Variants in LIPI observed in about 807,000 individuals in gnomAD.
LIPI encodes lipase I.
LIPI carries 59 observed loss-of-function variants against 50.6 expected under a neutral mutation model. That is an observed-to-expected ratio of 1.16 (90% CI 0.94 to 1.45). The LOEUF is 1.45. Ranked by LOEUF, LIPI falls within the 40% of genes most tolerant of loss-of-function variation. The pLI, the probability that LIPI is intolerant of heterozygous loss-of-function variation, is 0.00. For synonymous variants in LIPI, 203 were observed against 178.2 expected, an observed-to-expected ratio of 1.14 and a Z score of -1.11; for missense variants, 586 against 536.3, an observed-to-expected ratio of 1.09 and a Z score of -0.92.
intron 1 of LIPI, among the ~76,000 whole-genome samples, chr21:14,201,637 C>T (rs980141231): frequency 6.6e-6 from 1 of 151,996 alleles, no homozygotes; most frequent in Non-Finnish European, 1.5e-5. Context: ...ATTCAACAAC[C>T]CTTCATGCTA....
At chr21:14,161,453 ATAT>A (rs1444320359) in intron 7 of LIPI, among the ~76,000 whole-genome samples, 2 of 139,082 alleles carry the variant, frequency 1.4e-5, no homozygotes, top group Non-Finnish European at 3.1e-5. Context: ...TTATATATAG[ATAT>A]TATATAGCTA....
intron 1 of LIPI, among the ~76,000 whole-genome samples, chr21:14,208,901 A>C (rs2020294102): frequency 6.6e-6 from 1 of 152,088 alleles, no homozygotes; most frequent in Admixed American, 6.6e-5. Context: ...AAATTACAAA[A>C]TTAGCCAGGC....
chr21:14,198,471 C>T (rs1348472127), intron 1 of LIPI, among the ~76,000 whole-genome samples: 1 of 152,054 alleles, frequency 6.6e-6, no homozygotes, highest in Non-Finnish European at 1.5e-5. Flanking sequence ...GGTTGCAATC[C>T]TAGTTTCTGA....
intron 7 of LIPI, among the ~76,000 whole-genome samples, chr21:14,159,029 G>A (rs1289302063): frequency 2.0e-5 from 3 of 151,414 alleles, no homozygotes; most frequent in Admixed American, 6.6e-5. Context: ...GACCCAAATG[G>A]TTTCACTGGA....
intron 8 of LIPI, among the ~76,000 whole-genome samples, chr21:14,146,548 A>G (rs1465282154): frequency 6.6e-6 from 1 of 152,124 alleles, no homozygotes; most frequent in Non-Finnish European, 1.5e-5. Context: ...CTGCAACAGC[A>G]TCTTGCTTTG....
intron 7 of LIPI, among the ~76,000 whole-genome samples, chr21:14,159,538 C>T (rs953863321): frequency 6.6e-6 from 1 of 151,208 alleles, no homozygotes; most frequent in Non-Finnish European, 1.5e-5. Context: ...CTATAAGTCA[C>T]ATCACACTTT....
chr21:14,161,711 T>C (rs1201639137), intron 7 of LIPI, among the ~76,000 whole-genome samples: 1 of 92,968 alleles, frequency 1.1e-5, no homozygotes, highest in Non-Finnish European at 1.9e-5. Context: ...TACATTATTA[T>C]ATATTAATAT....
At position 14,210,954 on chromosome 21, in the gene LIPI, G is replaced by A. The variant is rs1388863803; in HGVS notation, c.-109C>T. The A allele has an allele frequency of 1.9e-6, 2 of 1,055,362 alleles. No individual in the cohort carries two copies. Among genetic ancestry groups the A allele is most frequent in the Non-Finnish European group, 1.1e-6 (1 of 870,074 alleles). 65.4% of individuals were successfully genotyped at this position (1,055,362 alleles called of 1,614,324 possible). On this transcript the variant is annotated 5_prime_UTR_variant, in exon 1 of 10. Coordinates refer to ENST00000681601, the MANE Select transcript of LIPI (RefSeq NM_001302998.2). The stretch of plus-strand genomic sequence containing the variant: ...TCATCACAGGCTGGCAGGTTCTTCT[G>A]TAAAAGTTCACTGATTTTTGCTCCT...
chr21:14,118,485 C>T (rs2016739198), intron 9 of LIPI, among the ~76,000 whole-genome samples: 1 of 152,154 alleles, frequency 6.6e-6, no homozygotes, highest in Non-Finnish European at 1.5e-5. Context: ...CCCAGTGCCA[C>T]TATTAGGAAG....
chr21:14,120,529 G>C lies in LIPI; in HGVS notation c.1296-11449C>G, dbSNP rs111762931. On this transcript the variant is annotated intron_variant, in intron 9 of 9. Transcript: ENST00000681601. ...CCAAAGGAAGTAGCAGTCTTCCACT[G>C]TAAGGGACATCAAACAGGAGGAAGT... 7.0e-3 allele frequency among the ~76,000 whole-genome samples: 1,067 copies of C among 152,320 alleles called. 18 individuals are homozygous for C. Among genetic ancestry groups the C allele is most frequent in the African/African-American group, 0.022 (898 of 41,566 alleles).
At chr21:14,163,938 C>T (rs1435183883) in intron 6 of LIPI, among the ~76,000 whole-genome samples, 1 of 151,184 alleles carries the variant, frequency 6.6e-6, no homozygotes, top group Admixed American at 6.6e-5. Flanking sequence ...ACGTATAATA[C>T]ATACAGATAT....
chr21:14,189,259 A>G lies in LIPI; in HGVS notation c.207T>C (p.Asn69=), dbSNP rs1203463472. The G allele has an allele frequency of 1.9e-6, 3 of 1,614,046 alleles. No homozygotes were observed. The highest frequency in any genetic ancestry group is 2.2e-5 in the East Asian group (1 of 44,868). ...LFEQNNSLNV[N]FNTQKKTVWL... is the part of the protein sequence containing the mutation. ...AGACTGTTTTCTTTTGTGTGTTGAA[A>G]TTAACATTAAGTGAGTTATTTTGTT... is the stretch of plus-strand genomic sequence containing the variant. Residue 69 remains asparagine, a synonymous_variant, in exon 2 of 10, where the codon AAT becomes AAC. Transcript: ENST00000681601.
chr21:14,176,060 C>T (rs1270278283), intron 4 of LIPI, among the ~76,000 whole-genome samples: 2 of 151,748 alleles, frequency 1.3e-5, no homozygotes, highest in African/African-American at 4.8e-5. Flanking sequence ...CGCCTGTGGT[C>T]CCAGCTACTC....
intron 9 of LIPI, among the ~76,000 whole-genome samples, chr21:14,128,501 T>G (rs951176721): frequency 6.6e-6 from 1 of 152,058 alleles, no homozygotes; most frequent in Non-Finnish European, 1.5e-5. Context: ...ACCTCATAGA[T>G]TTGTTGCAAG....
At chr21:14,132,096 T>A (rs1265248478) in intron 9 of LIPI, among the ~76,000 whole-genome samples, 1 of 152,164 alleles carries the variant, frequency 6.6e-6, no homozygotes, top group Non-Finnish European at 1.5e-5. Context: ...ACGTATTAAT[T>A]ATTGGTATTC....
chr21:14,206,081 T>C (rs552280434), intron 1 of LIPI, among the ~76,000 whole-genome samples: 28 of 152,274 alleles, frequency 1.8e-4, no homozygotes, highest in African/African-American at 5.5e-4. Context: ...GGGGAAGTTA[T>C]AAATAATCAT....
At chr21:14,186,679 T>C (rs984820855) in intron 2 of LIPI, among the ~76,000 whole-genome samples, 1 of 152,194 alleles carries the variant, frequency 6.6e-6, no homozygotes, top group African/African-American at 2.4e-5. Context: ...GTGATGATAT[T>C]TGGAGGTGAG....
intron 7 of LIPI, among the ~76,000 whole-genome samples, chr21:14,161,003 G>C (rs965616100): frequency 4.0e-5 from 6 of 151,164 alleles, no homozygotes; most frequent in Non-Finnish European, 7.4e-5. Flanking sequence ...GGAAAAATTA[G>C]ATCACTTATA....
intron 9 of LIPI, among the ~76,000 whole-genome samples, chr21:14,139,638 T>G (rs2017631539): frequency 6.6e-6 from 1 of 152,152 alleles, no homozygotes; most frequent in Non-Finnish European, 1.5e-5. Context: ...GAGGACAGTA[T>G]AGATAATAAC....
Sources: allele counts gnomAD v4.1 joint callset (sites outside exome capture counted in the v4.1 genomes callset), GRCh38; gene constraint gnomAD v4.1.1; transcripts MANE v1.5; gene names NCBI Gene and HGNC (gene_info 2026-07-23, HGNC 2026-07-21).